Variants in SYNE1 observed in about 807,000 individuals in gnomAD.
SYNE1 encodes nesprin-1.
A neutral mutation model predicts 1,111.0 loss-of-function variants in SYNE1; 616 were observed. That is an observed-to-expected ratio of 0.55 (90% confidence interval 0.52 to 0.59). The LOEUF is 0.59. SYNE1 is among the 20% of genes least tolerant of loss of function. The pLI is 0.00. For synonymous variants in SYNE1, 3,855 were observed against 3,825.8 expected, an observed-to-expected ratio of 1.01 and a Z score of -0.28; for missense variants, 10,006 against 10,417.0, an observed-to-expected ratio of 0.96 and a Z score of 1.72.
At position 152,390,603 on chromosome 6, in the gene SYNE1, A is replaced by G. The variant is rs1406293053; in HGVS notation, c.8005-151T>C. ...ACTCTGGGCCCTATTGCAATATAAT[A>G]TTGACTCAAAATTAGGTATCTGGGA... is the stretch of plus-strand genomic sequence containing the variant. On this transcript the variant is annotated intron_variant, in intron 52 of 145. Transcript: ENST00000367255. The G allele has an allele frequency of 1.1e-5, 8 of 740,960 alleles. No individual in the cohort carries two copies. The East Asian group carries it at 1.9e-4, about 17-fold the overall frequency. The allele number at this position is 740,960 out of a possible 1,614,324, so 45.9% of individuals were successfully genotyped here.
intron 127 of SYNE1, among the ~76,000 whole-genome samples, chr6:152,196,991 T>C (rs553980647): frequency 6.6e-6 from 1 of 152,296 alleles, no homozygotes; most frequent in Non-Finnish European, 1.5e-5. Context: ...CTAGGTCTTG[T>C]GTAAATGCTC....
At position 152,318,179 on chromosome 6, in the gene SYNE1, G is replaced by C; in HGVS notation, c.16474C>G (p.Gln5492Glu). Residue 5492 changes from glutamine (Q) to glutamate (E), a missense_variant, in exon 86 of 146, where the codon CAA becomes GAA. Physicochemically the swap from Gln to Glu is conservative, Grantham distance 29 (BLOSUM62 2). Coordinates refer to ENST00000367255, the MANE Select transcript of SYNE1 (RefSeq NM_182961.4). ...AVQKFLEQNG[Q>E]LGKPLAKKIG... is the part of the protein sequence containing the mutation. ...TTCTTGGCCAGTGGCTTACCCAGTT[G>C]GCCATTCTGTTCCAAGAATTTCTGT... 6.2e-7 allele frequency: 1 copy of C among 1,613,988 alleles called. No homozygotes were observed. The highest frequency in any genetic ancestry group is 8.5e-7 in the Non-Finnish European group (1 of 1,180,000).
At chr6:152,533,380 T>G (rs987649369) in intron 4 of SYNE1, among the ~76,000 whole-genome samples, 1 of 152,018 alleles carries the variant, frequency 6.6e-6, no homozygotes, top group Non-Finnish European at 1.5e-5. Context: ...AAAACTCAGC[T>G]CTCAACAATT....
At chr6:152,248,571 T>A (rs2088125193) in intron 105 of SYNE1, among the ~76,000 whole-genome samples, 1 of 152,116 alleles carries the variant, frequency 6.6e-6, no homozygotes, top group Non-Finnish European at 1.5e-5. Flanking sequence ...CTGCCTTAAA[T>A]TTACATATCC....
rs529788198 is a variant in SYNE1, at chr6:152,272,490, T to A, written c.18574-3204A>T. ...TACATAAAACATTTCTTTATAAAGC[T>A]TTTTATTATTTTATGGGGCAATCTC... On this transcript the variant is annotated intron_variant, in intron 98 of 145. Coordinates refer to ENST00000367255, the MANE Select transcript of SYNE1 (RefSeq NM_182961.4). Among the ~76,000 whole-genome samples the A allele has an allele frequency of 3.3e-5, 5 of 152,354 alleles. No individual in the cohort carries two copies. In the East Asian group the frequency reaches 7.7e-4, roughly 23 times the overall value.
intron 11 of SYNE1, among the ~76,000 whole-genome samples, chr6:152,495,853 C>T (rs764389946): frequency 3.9e-5 from 6 of 152,230 alleles, no homozygotes; most frequent in Non-Finnish European, 8.8e-5. Context: ...CTCACCATTG[C>T]TCCATCTGTA....
intron 5 of SYNE1, among the ~76,000 whole-genome samples, chr6:152,522,509 T>C (rs1468874840): frequency 6.6e-6 from 1 of 152,190 alleles, no homozygotes; most frequent in Non-Finnish European, 1.5e-5. Flanking sequence ...TGAATTGTGC[T>C]GCTATAAATA....
intron 73 of SYNE1, among the ~76,000 whole-genome samples, chr6:152,344,765 T>C (rs2096601599): frequency 1.3e-5 from 2 of 152,198 alleles, no homozygotes; most frequent in South Asian, 2.1e-4. Context: ...AGAAGTTATG[T>C]TCCAGGGCAA....
At chr6:152,241,500 C>CTCTGTGTGTGTGTGTG (rs2085647744) in intron 107 of SYNE1, among the ~76,000 whole-genome samples, 1 of 74,176 alleles carries the variant, frequency 1.3e-5, no homozygotes, top group Non-Finnish European at 2.4e-5. Context: ...AATGCAAGAG[C>CTCTGTGTGTGTGTGTG]TGTGTGTGTG....
intron 95 of SYNE1, among the ~76,000 whole-genome samples, chr6:152,289,179 C>A (rs1209392380): frequency 6.6e-6 from 1 of 152,030 alleles, no homozygotes; most frequent in African/African-American, 2.4e-5. Flanking sequence ...AGCTGGTGGC[C>A]AGCAGCTACC....
rs2295190 is a variant in SYNE1, at chr6:152,122,609, G to T, written c.26221C>A (p.Leu8741Met). The T allele has an allele frequency of 0.13, 214,076 of 1,614,114 alleles. 15,499 individuals are homozygous for T. The highest frequency in any genetic ancestry group is 0.15 in the Non-Finnish European group (173,505 of 1,179,992). The change falls in exon 146 of 146, where the codon CTG (leucine) becomes ATG (methionine). Residue 8741 changes from leucine (L) to methionine (M), a missense_variant. Transcript: ENST00000367255. The stretch of plus-strand genomic sequence containing the variant: ...AGAGCTGCTCGGAGGACTCTGAACA[G>T]GAAGCCGCGGCCGGACCGACCTGGC... ...PGPGRSGRGF[L>M]FRVLRAALPL...
At chr6:152,312,549 G>C (rs2095586740) in intron 87 of SYNE1, among the ~76,000 whole-genome samples, 1 of 148,392 alleles carries the variant, frequency 6.7e-6, no homozygotes, top group South Asian at 2.1e-4. Context: ...AATATATATA[G>C]TAAGGATATA....
intron 17 of SYNE1, among the ~76,000 whole-genome samples, chr6:152,465,702 C>G (rs1212026550): frequency 1.3e-5 from 2 of 151,296 alleles, no homozygotes; most frequent in Non-Finnish European, 2.9e-5. Context: ...TATGCTTTTG[C>G]CTTTAATCCT....
At chr6:152,221,704 TTTC>T in intron 117 of SYNE1, 145 bp from the exon 118 acceptor site, 1 of 1,054,400 alleles carries the variant, frequency 9.5e-7, no homozygotes, top group Non-Finnish European at 1.4e-6. Flanking sequence ...CTTTATCAGC[TTTC>T]TTTAGATAAT....
chr6:152,463,459 C>T lies in SYNE1; in HGVS notation c.1991G>A (p.Gly664Asp). The T allele has an allele frequency of 6.2e-7, 1 of 1,613,662 alleles. No homozygotes were observed. Among genetic ancestry groups the T allele is most frequent in the Non-Finnish European group, 8.5e-7 (1 of 1,179,744 alleles). The change falls in exon 19 of 146, where the codon GGC becomes GAC. Residue 664 changes from glycine (G) to aspartate (D), a missense_variant. Coordinates refer to ENST00000367255, the MANE Select transcript of SYNE1 (RefSeq NM_182961.4). ...IQQHTAMNDA[G>D]NFLIETCDEM... ...ATCACAGGTTTCAATTAGAAAATTGCCAGCATCGTTCATGGCAGTATGCTG... is the reference window on the plus strand; with the variant it reads ...ATCACAGGTTTCAATTAGAAAATTGTCAGCATCGTTCATGGCAGTATGCTG...
intron 66 of SYNE1, among the ~76,000 whole-genome samples, chr6:152,357,484 A>C (rs140123443): frequency 1.3e-4 from 20 of 152,264 alleles, no homozygotes; most frequent in African/African-American, 4.6e-4. Context: ...GTGGGACATA[A>C]AGTGGTCTCA....
intron 28 of SYNE1, among the ~76,000 whole-genome samples, chr6:152,448,072 T>G (rs1220162954): frequency 2.0e-5 from 3 of 152,248 alleles, no homozygotes; most frequent in African/African-American, 7.2e-5. Context: ...TTGTTGAATA[T>G]TGTTATGGAT....
In SYNE1 at chr6:152,362,181, C is replaced by T. The variant is rs1047722501; in HGVS notation, c.10288G>A (p.Gly3430Arg). 9.3e-6 allele frequency: 15 copies of T among 1,614,206 alleles called. No individual in the cohort carries two copies. The highest frequency in any genetic ancestry group is 6.7e-5 in the East Asian group (3 of 44,884). The stretch of plus-strand genomic sequence containing the variant: ...AATCCAGCTCTCACCTTGGCTTTTC[C>T]GAGCATCGTTGTTTTATCCCGCAGC... ...AELRDKTTML[G>R]KAKLLNEEVL... The change falls in exon 64 of 146, where the codon GGA (glycine) becomes AGA (arginine). Residue 3430 changes from glycine (G) to arginine (R), a missense_variant. Gly to Arg is a moderately radical substitution (Grantham distance 125). Transcript: ENST00000367255.
chr6:152,535,056 A>T (rs2099227821), intron 4 of SYNE1, among the ~76,000 whole-genome samples: 1 of 152,234 alleles, frequency 6.6e-6, no homozygotes. Context: ...CCTTATTTGG[A>T]AATAGAGTCT....
Sources: gnomAD v4.1 joint callset for allele counts (sites outside exome capture counted in the v4.1 genomes callset) on GRCh38, gnomAD v4.1.1 for gene constraint, MANE v1.5 for transcripts, NCBI Gene and HGNC (gene_info 2026-07-23, HGNC 2026-07-21) for gene names.